GALNT13: variants seen among roughly 807,000 people sequenced by gnomAD.
GALNT13 encodes the protein UDP-GalNAc:polypeptide N-acetylgalactosaminyltransferase 13.
GALNT13 carries 28 observed loss-of-function variants against 64.2 expected under a neutral mutation model. The ratio of observed to expected loss-of-function variants is 0.44; its 90% CI spans 0.32 to 0.60. GALNT13 has a LOEUF of 0.60. Among genes scored for constraint, GALNT13 ranks in the 20% least tolerant of loss-of-function variants. The probability of loss-of-function intolerance (pLI) is 0.05; values close to 1 mark genes in which losing one functional copy is unlikely to be tolerated. For missense variants in GALNT13, 577 were observed against 669.8 expected (o/e 0.86, Z 1.53); for synonymous variants, 214 against 224.6 (o/e 0.95, Z 0.42).
chr2:153,472,511 C>T, the GALNT13 span, among the ~76,000 whole-genome samples: 2 of 152,106 alleles, frequency 1.3e-5, no homozygotes, highest in Non-Finnish European at 2.9e-5. Context: ...AATGTACCAT[C>T]TATACATGAG....
chr2:154,014,325 G>T (rs1395081503), intron 3 of GALNT13, among the ~76,000 whole-genome samples: 1 of 152,114 alleles, frequency 6.6e-6, no homozygotes, highest in Non-Finnish European at 1.5e-5. Context: ...TAGGATTACG[G>T]GGGTCTGTGG....
intron 3 of GALNT13, among the ~76,000 whole-genome samples, chr2:154,080,445 A>G (rs1701215753): frequency 6.6e-6 from 1 of 151,678 alleles, no homozygotes; most frequent in Non-Finnish European, 1.5e-5. Flanking sequence ...AAAACTTGAA[A>G]TGCACGAGGG....
At chr2:153,685,914 G>A in the GALNT13 span, among the ~76,000 whole-genome samples, 1 of 152,054 alleles carries the variant, frequency 6.6e-6, no homozygotes, top group East Asian at 1.9e-4. Flanking sequence ...CTTCCTCATT[G>A]CTTGTTTTTG....
At chr2:153,752,923 T>C in the GALNT13 span, among the ~76,000 whole-genome samples, 9 of 152,098 alleles carry the variant, frequency 5.9e-5, no homozygotes, top group Non-Finnish European at 8.8e-5. Flanking sequence ...TATAGGCATG[T>C]TTCATTGCTT....
At chr2:153,372,543 G>A in the GALNT13 span, among the ~76,000 whole-genome samples, 3 of 152,120 alleles carry the variant, frequency 2.0e-5, no homozygotes, top group Non-Finnish European at 2.9e-5. Flanking sequence ...CTACTCGGAA[G>A]GCTGAGGCAG....
At chr2:154,181,974 G>A (rs1204042849) in intron 4 of GALNT13, among the ~76,000 whole-genome samples, 9 of 151,810 alleles carry the variant, frequency 5.9e-5, no homozygotes, top group Admixed American at 5.9e-4. Flanking sequence ...CTTTTAATAT[G>A]AGAGTCTAAT....
At chr2:153,971,025 G>T (rs1423257131) in intron 3 of GALNT13, among the ~76,000 whole-genome samples, 2 of 152,100 alleles carry the variant, frequency 1.3e-5, no homozygotes, top group African/African-American at 2.4e-5. Context: ...TTAGGTCTTG[G>T]TATTCTCCCC....
chr2:153,798,689 T>A, the GALNT13 span, among the ~76,000 whole-genome samples: 1 of 152,162 alleles, frequency 6.6e-6, no homozygotes, highest in African/African-American at 2.4e-5. Flanking sequence ...CTCACTCTAG[T>A]GTTGTATACG....
In GALNT13 at chr2:153,881,717, A is replaced by G. The variant is rs187645534; in HGVS notation, c.-177+9414A>G. On this transcript the variant is annotated intron_variant, in intron 1 of 12. Transcript: ENST00000392825. ...AAAATATTTGCAAATATCTCAAATA[A>G]TTTTGAACTTCAATTAATCTTTTTT... 3.5e-3 allele frequency among the ~76,000 whole-genome samples: 535 copies of G among 152,320 alleles called. 2 individuals carry two copies. Among genetic ancestry groups the G allele is most frequent in the African/African-American group, 0.012 (516 of 41,590 alleles).
chr2:153,079,612 T>C, the GALNT13 span, among the ~76,000 whole-genome samples: 39 of 152,256 alleles, frequency 2.6e-4, no homozygotes, highest in African/African-American at 7.9e-4. Flanking sequence ...TTCAGCTACA[T>C]GATTATGGGT....
chr2:153,922,155 G>A (rs1041145603), intron 2 of GALNT13, among the ~76,000 whole-genome samples: 3 of 152,128 alleles, frequency 2.0e-5, no homozygotes, highest in South Asian at 4.1e-4. Context: ...GAGCTGAATG[G>A]ATGTGGGAAA....
chr2:153,438,803 C>T, the GALNT13 span, among the ~76,000 whole-genome samples: 1 of 151,988 alleles, frequency 6.6e-6, no homozygotes, highest in Non-Finnish European at 1.5e-5. Flanking sequence ...GTTTGATCTT[C>T]TGAAGCCTTC....
At chr2:153,439,169 G>A in the GALNT13 span, among the ~76,000 whole-genome samples, 39 of 152,222 alleles carry the variant, frequency 2.6e-4, no homozygotes, top group African/African-American at 8.7e-4. Flanking sequence ...CTGCCTGATC[G>A]TTCCTCTGGA....
At chr2:153,630,660 TA>T in the GALNT13 span, among the ~76,000 whole-genome samples, 2 of 135,338 alleles carry the variant, frequency 1.5e-5, no homozygotes, top group African/African-American at 2.7e-5. Flanking sequence ...ATAATAAAAT[TA>T]AAAAAAATTA....
chr2:153,425,883 G>A, the GALNT13 span, among the ~76,000 whole-genome samples: 1 of 151,662 alleles, frequency 6.6e-6, no homozygotes, highest in African/African-American at 2.4e-5. Context: ...TTCTTCTTGA[G>A]TCATTCTGCT....
At chr2:154,053,638 A>G (rs1437707540) in intron 3 of GALNT13, among the ~76,000 whole-genome samples, 1 of 152,224 alleles carries the variant, frequency 6.6e-6, no homozygotes, top group East Asian at 1.9e-4. Flanking sequence ...TATATAGAGT[A>G]TTTTTAAAAA....
intron 7 of GALNT13, among the ~76,000 whole-genome samples, chr2:154,255,384 C>A (rs1194566080): frequency 1.3e-5 from 2 of 152,112 alleles, no homozygotes; most frequent in Non-Finnish European, 2.9e-5. Flanking sequence ...ATATATGTGT[C>A]TGGTTTAACA....
chr2:153,233,797 A>G, the GALNT13 span, among the ~76,000 whole-genome samples: 1 of 152,204 alleles, frequency 6.6e-6, no homozygotes, highest in South Asian at 2.1e-4. Context: ...GGTTTGTAGC[A>G]GGTCTTAGGA....
chr2:153,786,176 C>G, the GALNT13 span, among the ~76,000 whole-genome samples: 8 of 152,298 alleles, frequency 5.3e-5, no homozygotes, highest in East Asian at 1.5e-3. Context: ...CAATCAGAGG[C>G]AGCCCAGCAT....
Sources: gnomAD v4.1 joint callset for allele counts (sites outside exome capture counted in the v4.1 genomes callset) on GRCh38, gnomAD v4.1.1 for gene constraint, MANE v1.5 for transcripts, NCBI Gene and HGNC (gene_info 2026-07-23, HGNC 2026-07-21) for gene names.